The following IL1RAPL1 variants were observed in gnomAD, a reference collection of about 807,000 sequenced individuals.
IL1RAPL1 encodes the protein interleukin-1 receptor accessory protein-like 1.
IL1RAPL1 carries 3 observed loss-of-function variants against 48.4 expected under a neutral mutation model. That is an observed-to-expected ratio of 0.06 (90% confidence interval 0.03 to 0.16). The LOEUF (loss-of-function observed/expected upper bound fraction) is 0.16, where lower values mean the gene tolerates loss of function less well. Ranked by LOEUF, IL1RAPL1 falls within the 10% of genes least tolerant of loss-of-function variation. The pLI is 1.00. For missense variants in IL1RAPL1, 349 were observed against 530.6 expected, an observed-to-expected ratio of 0.66 and a Z score of 3.36; for synonymous variants, 185 against 187.7, an observed-to-expected ratio of 0.99 and a Z score of 0.12.
chrX:29,318,897 T>A (rs1932780218), intron 3 of IL1RAPL1, among the ~76,000 whole-genome samples: 1 of 112,127 alleles, frequency 8.9e-6, no homozygotes, highest in Non-Finnish European at 1.9e-5. Flanking sequence ...TACTCATCAT[T>A]ATAGATCAAC....
rs190981100 is a variant in IL1RAPL1, at chrX:29,129,161, A to T, written c.83-153777A>T. Among the ~76,000 whole-genome samples the T allele has an allele frequency of 1.0e-3, 106 of 106,449 alleles. 1 individual carries two copies. Among genetic ancestry groups the T allele is most frequent in the African/African-American group, 3.6e-3 (103 of 28,723 alleles). 92.4% of individuals were successfully genotyped at this position (106,449 alleles called of 115,157 possible). ...TGGGTTGAAGAAATTCTCCTGCCTC[A>T]GCCTGCCAAGTAGCTGGGATTACAG... is the stretch of plus-strand genomic sequence containing the variant. On this transcript the variant is annotated intron_variant, in intron 2 of 10. Coordinates refer to ENST00000378993, the MANE Select transcript of IL1RAPL1 (RefSeq NM_014271.4).
chrX:28,688,363 C>T (rs891582350), intron 1 of IL1RAPL1, among the ~76,000 whole-genome samples: 2 of 109,098 alleles, frequency 1.8e-5, no homozygotes, highest in African/African-American at 6.7e-5. Flanking sequence ...TGTGCACCAC[C>T]GTGCCCAGTT....
intron 2 of IL1RAPL1, among the ~76,000 whole-genome samples, chrX:29,219,348 C>T (rs1930932283): frequency 9.0e-6 from 1 of 111,197 alleles, no homozygotes; most frequent in South Asian, 3.8e-4. Flanking sequence ...TGTACCAGGC[C>T]CTGTGCTAGG....
At chrX:28,946,560 T>G (rs949265344) in intron 2 of IL1RAPL1, among the ~76,000 whole-genome samples, 1 of 111,533 alleles carries the variant, frequency 9.0e-6, no homozygotes, top group Non-Finnish European at 1.9e-5. Flanking sequence ...AAATGAGCCA[T>G]AATTATTAAA....
At chrX:29,817,678 T>C (rs1004773441) in intron 6 of IL1RAPL1, among the ~76,000 whole-genome samples, 1 of 111,923 alleles carries the variant, frequency 8.9e-6, no homozygotes, top group African/African-American at 3.2e-5. Flanking sequence ...TGATTCTGGC[T>C]GCAAGTTATA....
chrX:29,336,151 ATAT>A (rs201165218), intron 3 of IL1RAPL1, among the ~76,000 whole-genome samples: 93 of 102,767 alleles, frequency 9.0e-4, no homozygotes, highest in African/African-American at 2.6e-3. Context: ...TTATATACCT[ATAT>A]TATTATTCTG....
chrX:29,892,953 T>C (rs764331655), intron 6 of IL1RAPL1, among the ~76,000 whole-genome samples: 1 of 112,130 alleles, frequency 8.9e-6, no homozygotes, highest in African/African-American at 3.2e-5. Context: ...AAATATAACA[T>C]GATGGTGCTA....
intron 5 of IL1RAPL1, among the ~76,000 whole-genome samples, chrX:29,667,693 C>G (rs1282912258): frequency 8.9e-6 from 1 of 111,810 alleles, no homozygotes; most frequent in African/African-American, 3.3e-5. Context: ...ATGGCAAACT[C>G]TTAGATTTGT....
chrX:29,876,520 A>C (rs1164414933), intron 6 of IL1RAPL1, among the ~76,000 whole-genome samples: 1 of 112,042 alleles, frequency 8.9e-6, no homozygotes, highest in African/African-American at 3.2e-5. Context: ...AGCACAGAGA[A>C]ACTAAATTGA....
rs143908054 is a variant in IL1RAPL1, at chrX:29,620,992, C to T, written c.704-47438C>T. Among the ~76,000 whole-genome samples the T allele has an allele frequency of 7.8e-3, 873 of 111,782 alleles. 8 individuals are homozygous for T. The highest frequency in any genetic ancestry group is 0.027 in the African/African-American group (835 of 30,858). Reference sequence around the variant, plus strand: ...AAATAGAAAGAATTCTCTTGCAGTACGTGGTAATTGCCATAGATTATTGAA... The same window carrying T: ...AAATAGAAAGAATTCTCTTGCAGTATGTGGTAATTGCCATAGATTATTGAA... On this transcript the variant is annotated intron_variant, in intron 5 of 10. Coordinates refer to ENST00000378993, the MANE Select transcript of IL1RAPL1 (RefSeq NM_014271.4).
intron 6 of IL1RAPL1, among the ~76,000 whole-genome samples, chrX:29,773,706 G>A (rs1456812451): frequency 9.0e-6 from 1 of 111,439 alleles, no homozygotes; most frequent in East Asian, 2.8e-4. Flanking sequence ...CAGGCTAATG[G>A]TGACGTAGAC....
chrX:29,584,252 A>G (rs1923079883), intron 5 of IL1RAPL1, among the ~76,000 whole-genome samples: 2 of 111,321 alleles, frequency 1.8e-5, no homozygotes, highest in Admixed American at 1.9e-4. Context: ...CACTACAGCA[A>G]TTCTCCTTTT....
At chrX:29,400,986 A>G (rs892577978) in intron 5 of IL1RAPL1, among the ~76,000 whole-genome samples, 7 of 111,743 alleles carry the variant, frequency 6.3e-5, no homozygotes, top group African/African-American at 2.3e-4. Flanking sequence ...ACCAGTACCT[A>G]GTATGAGACA....
At chrX:28,693,563 C>T (rs770122384) in intron 1 of IL1RAPL1, among the ~76,000 whole-genome samples, 50 of 112,266 alleles carry the variant, frequency 4.5e-4, no homozygotes, top group Middle Eastern at 4.6e-3. Flanking sequence ...CACAATTTGA[C>T]GAGCCCCTGC....
chrX:29,619,829 A>G (rs1924407510), intron 5 of IL1RAPL1, among the ~76,000 whole-genome samples: 1 of 111,890 alleles, frequency 8.9e-6, no homozygotes, highest in South Asian at 3.7e-4. Context: ...GACATAAACA[A>G]AGTTTTGAAA....
intron 2 of IL1RAPL1, among the ~76,000 whole-genome samples, chrX:28,862,026 T>C (rs1044021932): frequency 1.8e-5 from 2 of 111,610 alleles, no homozygotes; most frequent in African/African-American, 6.5e-5. Context: ...GAGACTGATT[T>C]AATTTTTTGA....
At chrX:28,924,007 A>G (rs779581508) in intron 2 of IL1RAPL1, 2 of 111,472 alleles carry the variant, frequency 1.8e-5, no homozygotes, top group East Asian at 2.8e-4. Flanking sequence ...TACCCATGGT[A>G]TCTTCTTTCA....
chrX:29,837,258 CAAAAA>C (rs34032700), intron 6 of IL1RAPL1, among the ~76,000 whole-genome samples: 2 of 30,053 alleles, frequency 6.7e-5, no homozygotes, highest in Non-Finnish European at 1.0e-4. Flanking sequence ...GACTGCATCT[CAAAAA>C]AAAAAAAAAA....
At chrX:29,442,479 C>G (rs912480710) in intron 5 of IL1RAPL1, among the ~76,000 whole-genome samples, 8 of 111,558 alleles carry the variant, frequency 7.2e-5, no homozygotes, top group African/African-American at 2.6e-4. Context: ...CAAATGCCAC[C>G]TGTACCCCAA....
Sources: allele counts gnomAD v4.1 joint callset (sites outside exome capture counted in the v4.1 genomes callset), GRCh38; gene constraint gnomAD v4.1.1; transcripts MANE v1.5; gene names NCBI Gene and HGNC (gene_info 2026-07-23, HGNC 2026-07-21).